Variants in KANSL1 observed in about 807,000 individuals in gnomAD.
The protein encoded by KANSL1 is MLL1/MLL complex subunit KANSL1.
A neutral mutation model predicts 103.6 loss-of-function variants in KANSL1; 22 were observed. The observed-to-expected ratio is 0.21, with a 90% confidence interval of 0.15 to 0.30. The LOEUF is 0.30. Among genes scored for constraint, KANSL1 ranks in the 10% least tolerant of loss-of-function variants. The pLI, the probability that KANSL1 is intolerant of heterozygous loss-of-function variation, is 1.00. For synonymous variants in KANSL1, 600 were observed against 527.6 expected (o/e 1.14, Z -1.88); for missense variants, 1,337 against 1,399.8 (o/e 0.96, Z 0.72).
intron 4 of KANSL1, among the ~76,000 whole-genome samples, chr17:46,073,456 G>A (rs1238222807): frequency 6.6e-6 from 1 of 151,828 alleles, no homozygotes; most frequent in East Asian, 1.9e-4. Flanking sequence ...TATCCAAGAA[G>A]GAGATTTTAA....
chr17:46,113,659 C>T (rs901391680), intron 2 of KANSL1, among the ~76,000 whole-genome samples: 4 of 151,930 alleles, frequency 2.6e-5, no homozygotes, highest in African/African-American at 7.3e-5. Flanking sequence ...AAAAAACCTA[C>T]GAGGCACTTT....
rs1292184343 is a variant in KANSL1, at chr17:46,031,658, G to T, written c.3136C>A (p.Pro1046Thr). The T allele has an allele frequency of 6.2e-7, 1 of 1,612,390 alleles. No individual in the cohort carries two copies. The change falls in exon 15 of 15, where the codon CCC (proline) becomes ACC (threonine). Residue 1046 changes from proline to threonine, a missense_variant. Transcript: ENST00000432791. ...ERRTFPLAHS[P>T]QAECEDQLDA... ...AGCTGGTCCTCACACTCCGCCTGGGGACTGTGCGCCAGGGGGAAGGTCCGC... is the reference window on the plus strand; with the variant it reads ...AGCTGGTCCTCACACTCCGCCTGGGTACTGTGCGCCAGGGGGAAGGTCCGC...
At chr17:46,050,882 A>G (rs181803622) in intron 6 of KANSL1, among the ~76,000 whole-genome samples, 178 bp from the exon 7 acceptor site, 2 of 152,284 alleles carry the variant, frequency 1.3e-5, no homozygotes, top group East Asian at 1.9e-4. Flanking sequence ...AAAGATTTCC[A>G]TTTGTCTAAC....
At chr17:46,096,311 C>CTTTTTCTTTTT (rs1555760872) in intron 2 of KANSL1, among the ~76,000 whole-genome samples, 2 of 76,408 alleles carry the variant, frequency 2.6e-5, no homozygotes, top group African/African-American at 5.6e-5. Flanking sequence ...GCTTTTTTTT[C>CTTTTTCTTTTT]TTTTTTTTTT....
chr17:46,047,635 G>A (rs931291995), intron 7 of KANSL1, among the ~76,000 whole-genome samples: 14 of 151,876 alleles, frequency 9.2e-5, no homozygotes, highest in Non-Finnish European at 1.9e-4. Context: ...GGCGGGAGGC[G>A]GGGAAGCAGG....
Position 46,171,339 on chromosome 17 carries a change from G to A in KANSL1, c.805C>T (p.Pro269Ser), listed in dbSNP as rs200903841. The change falls in exon 2 of 15, where the codon CCC becomes TCC. Residue 269 changes from proline (P) to serine (S), a missense_variant. Pro to Ser is a moderately conservative substitution (Grantham distance 74, BLOSUM62 -1). Around this residue, in one of 2 missense-constraint regions of KANSL1, gnomAD observed 557 missense variants for 476.4 expected, o/e 1.17. Transcript: ENST00000432791. Reference sequence around the variant, plus strand: ...GCACTGAAAAGAATGGAAGACAGGGGAGACTTTTTACCCTCCAATTTGACA... The same window carrying A: ...GCACTGAAAAGAATGGAAGACAGGGAAGACTTTTTACCCTCCAATTTGACA... ...GGVKLEGKKS[P>S]LSSILFSALD... is the part of the protein sequence containing the mutation. 2.4e-5 allele frequency: 38 copies of A among 1,614,174 alleles called. No individual in the cohort carries two copies. In the African/African-American group the frequency reaches 4.7e-4, roughly 20 times the overall value.
intron 1 of KANSL1, among the ~76,000 whole-genome samples, chr17:46,183,163 G>C (rs1323236154): frequency 6.6e-6 from 1 of 152,228 alleles, no homozygotes; most frequent in East Asian, 1.9e-4. Context: ...TGCAGTGGCA[G>C]GCGCCTGTAT....
chr17:46,038,319 A>C (rs1306113046), intron 10 of KANSL1: 1 of 572,658 alleles, frequency 1.7e-6, no homozygotes, highest in Non-Finnish European at 3.1e-6. Context: ...GCATAAATCC[A>C]TCTCTGCTAT....
intron 1 of KANSL1, among the ~76,000 whole-genome samples, chr17:46,199,394 C>T (rs1383803910): frequency 6.6e-6 from 1 of 152,234 alleles, no homozygotes; most frequent in Non-Finnish European, 1.5e-5. Context: ...AATCCTCATA[C>T]TGATTACAAT....
At position 46,214,496 on chromosome 17, in the gene KANSL1, A is replaced by G. The variant is rs192897730; in HGVS notation, c.-90+9175T>C. 3.9e-5 allele frequency among the ~76,000 whole-genome samples: 6 copies of G among 152,342 alleles called. No individual in the cohort carries two copies. In the East Asian group the frequency reaches 5.8e-4, roughly 15 times the overall value. ...TGGTGACACCCTGTCTCTACTAAAA[A>G]TACAAAAATTAGCTGGGCGTGGTGG... On this transcript the variant is annotated intron_variant, in intron 1 of 14. Transcript: ENST00000572904.
intron 2 of KANSL1, among the ~76,000 whole-genome samples, chr17:46,163,032 A>G (rs2045825358): frequency 6.6e-6 from 1 of 152,198 alleles, no homozygotes; most frequent in South Asian, 2.1e-4. Context: ...TCACATCCCC[A>G]TCACATGCTG....
intron 3 of KANSL1, chr17:46,092,786 A>T (rs1481941794): frequency 6.8e-6 from 1 of 146,964 alleles, no homozygotes; most frequent in Admixed American, 6.9e-5. Context: ...ATTGATACAC[A>T]GTATTTCATC....
intron 10 of KANSL1, chr17:46,035,937 T>C (rs1173143635): frequency 6.6e-6 from 1 of 151,886 alleles, no homozygotes; most frequent in Admixed American, 6.6e-5. Flanking sequence ...CTATCTCCTA[T>C]TTAGAGCCAG....
intron 5 of KANSL1, 102 bp downstream of exon 5, chr17:46,067,447 C>CG: frequency 1.3e-6 from 1 of 747,474 alleles, no homozygotes; most frequent in Non-Finnish European, 2.4e-6. Context: ...ATAAGGCTTC[C>CG]GCTTCTTTAA....
At chr17:46,216,696 C>T (rs1293483325) in intron 1 of KANSL1, among the ~76,000 whole-genome samples, 1 of 152,034 alleles carries the variant, frequency 6.6e-6, no homozygotes, top group African/African-American at 2.4e-5. Flanking sequence ...TTAAGTCATG[C>T]TATCAATTTG....
chr17:46,081,456 G>C (rs2078985353), intron 4 of KANSL1, among the ~76,000 whole-genome samples: 1 of 152,140 alleles, frequency 6.6e-6, no homozygotes. Flanking sequence ...TTGGCATTCT[G>C]CTCTTTAATT....
rs536120703 is a variant in KANSL1 at position 46,127,543 on chromosome 17, G to A, written c.1290-32842C>T. ...TCCCAACACTTTGGGAGGCCAAGGCGGACAGATTGCTTTTCAGCACAAGAG... is the reference window on the plus strand; with the variant it reads ...TCCCAACACTTTGGGAGGCCAAGGCAGACAGATTGCTTTTCAGCACAAGAG... On this transcript the variant is annotated intron_variant, in intron 2 of 14. Transcript: ENST00000432791. 9.8e-5 allele frequency among the ~76,000 whole-genome samples: 15 copies of A among 152,332 alleles called. No individual in the cohort carries two copies. The South Asian group carries it at 1.2e-3, about 13-fold the overall frequency.
At chr17:46,220,996 CTTT>C (rs56342423) in intron 1 of KANSL1, among the ~76,000 whole-genome samples, 22 of 138,856 alleles carry the variant, frequency 1.6e-4, no homozygotes, top group Non-Finnish European at 1.7e-4. Context: ...CCCTAAAGAT[CTTT>C]TTTTTTTTTT....
At chr17:46,177,134 A>C (rs1307933886) in intron 1 of KANSL1, among the ~76,000 whole-genome samples, 1 of 152,240 alleles carries the variant, frequency 6.6e-6, no homozygotes, top group Non-Finnish European at 1.5e-5. Flanking sequence ...TTACTTAACT[A>C]TTCTGTTCTT....
Sources: gnomAD v4.1 joint callset for allele counts (sites outside exome capture counted in the v4.1 genomes callset) on GRCh38, gnomAD v4.1.1 for gene constraint, gnomAD v4.1.1 regional missense constraint, MANE v1.5 for transcripts, NCBI Gene and HGNC (gene_info 2026-07-23, HGNC 2026-07-21) for gene names.